The following SIPA1L3 variants were observed in gnomAD, a reference collection of about 807,000 sequenced individuals.
SIPA1L3 encodes the protein signal induced proliferation associated 1 like 3.
In SIPA1L3, 59 loss-of-function variants were observed where a neutral mutation model predicts 150.1. The observed-to-expected ratio is 0.39, with a 90% CI of 0.32 to 0.49. The LOEUF (loss-of-function observed/expected upper bound fraction) is 0.49. Ranked by LOEUF, SIPA1L3 falls within the 20% of genes least tolerant of loss-of-function variation. SIPA1L3 has a pLI of 0.86. For synonymous variants in SIPA1L3, 1,070 were observed against 1,077.6 expected (o/e 0.99, Z 0.14); for missense variants, 2,211 against 2,489.5 (o/e 0.89, Z 2.38).
intron 1 of SIPA1L3, among the ~76,000 whole-genome samples, chr19:37,921,267 T>C (rs2046455143): frequency 6.6e-6 from 1 of 152,206 alleles, no homozygotes; most frequent in South Asian, 2.1e-4. Context: ...ACTGCATTTG[T>C]GCTTTGGGGG....
chr19:38,111,562 A>C (rs1047820466), intron 8 of SIPA1L3, among the ~76,000 whole-genome samples: 1 of 152,196 alleles, frequency 6.6e-6, no homozygotes, highest in Admixed American at 6.5e-5. Flanking sequence ...TATGTGCACC[A>C]GTAGTCACCG....
intron 1 of SIPA1L3, among the ~76,000 whole-genome samples, chr19:38,024,580 G>A (rs1968458273): frequency 6.6e-6 from 1 of 152,088 alleles, no homozygotes; most frequent in Non-Finnish European, 1.5e-5. Flanking sequence ...AGTCATTTAT[G>A]CATTTTGGAC....
intron 1 of SIPA1L3, among the ~76,000 whole-genome samples, chr19:37,944,243 A>G (rs985701683): frequency 2.7e-5 from 4 of 150,334 alleles, no homozygotes; most frequent in African/African-American, 9.8e-5. Context: ...GCACCACTGC[A>G]CTCCAGCCTG....
intron 15 of SIPA1L3, among the ~76,000 whole-genome samples, chr19:38,173,892 G>A (rs566662458): frequency 1.4e-4 from 22 of 152,082 alleles, no homozygotes; most frequent in African/African-American, 5.1e-4. Context: ...ATGTGTTTGA[G>A]GAACAGCTTC....
At chr19:38,166,728 G>A (rs553401429) in intron 15 of SIPA1L3, among the ~76,000 whole-genome samples, 2 of 152,106 alleles carry the variant, frequency 1.3e-5, no homozygotes, top group South Asian at 2.1e-4. Context: ...CCATGCCTGG[G>A]GTGGGCTAGC....
intron 1 of SIPA1L3, among the ~76,000 whole-genome samples, chr19:37,940,039 C>G (rs1459337692): frequency 6.6e-6 from 1 of 152,104 alleles, no homozygotes; most frequent in Non-Finnish European, 1.5e-5. Context: ...GGGTCTCCAC[C>G]CTTGCAGAGC....
At position 38,164,843 on chromosome 19, in the gene SIPA1L3, C is replaced by T; in HGVS notation, c.4145C>T (p.Ser1382Phe). 1 of 1,595,834 alleles carries T rather than the reference C, an allele frequency of 6.3e-7. No individual in the cohort carries two copies. ...QSKGYRPKLY[S>F]SGSSTPTGLA... ...AAGGGCTACCGACCGAAGCTGTACT[C>T]CTCCGGCTCCAGCACCCCCACGGGA... Residue 1382 changes from serine to phenylalanine, a missense_variant, in exon 15 of 22, where the codon TCC becomes TTC. Coordinates refer to ENST00000222345, the MANE Select transcript of SIPA1L3 (RefSeq NM_015073.3). This position sits in a 1 kb window ranked among gnomAD's most constrained non-coding sequence, Gnocchi z 4.1.
intron 1 of SIPA1L3, among the ~76,000 whole-genome samples, chr19:38,008,463 A>G (rs192987751): frequency 6.0e-4 from 92 of 152,082 alleles, no homozygotes; most frequent in Admixed American, 4.0e-3. Flanking sequence ...TCCTGACCTC[A>G]GGTGATCCAC....
At chr19:37,985,356 C>T (rs1967321456) in intron 1 of SIPA1L3, among the ~76,000 whole-genome samples, 1 of 152,026 alleles carries the variant, frequency 6.6e-6, no homozygotes, top group South Asian at 2.1e-4. Context: ...CCATGCCCAG[C>T]CAATTTTACG....
chr19:38,182,792 C>T, intron 16 of SIPA1L3, 52 bp downstream of exon 16: 3 of 1,435,152 alleles, frequency 2.1e-6, no homozygotes, highest in Admixed American at 3.9e-5. Context: ...ACCAGGGCGT[C>T]TCCGGGGCGG....
At chr19:37,986,883 A>G (rs1487411781) in intron 1 of SIPA1L3, among the ~76,000 whole-genome samples, 3 of 152,138 alleles carry the variant, frequency 2.0e-5, no homozygotes, top group Non-Finnish European at 4.4e-5. Context: ...GATAAAATGC[A>G]GGTTCTCATT....
intron 8 of SIPA1L3, among the ~76,000 whole-genome samples, chr19:38,111,235 T>G (rs1297620154): frequency 7.2e-5 from 11 of 151,964 alleles, no homozygotes. Flanking sequence ...TCTCTCTGTT[T>G]TACCCAGGCT....
chr19:38,189,348 T>A (rs1409089237), intron 16 of SIPA1L3, among the ~76,000 whole-genome samples: 3 of 152,074 alleles, frequency 2.0e-5, no homozygotes, highest in African/African-American at 7.2e-5. Context: ...GGTCTCACAC[T>A]CCGCACTCCT....
chr19:37,955,175 T>C (rs573650420), intron 1 of SIPA1L3, among the ~76,000 whole-genome samples: 1 of 150,788 alleles, frequency 6.6e-6, no homozygotes, highest in African/African-American at 2.4e-5. Context: ...GTAGATCACC[T>C]GAGGTCGAGA....
intron 1 of SIPA1L3, among the ~76,000 whole-genome samples, chr19:37,983,470 C>T (rs1967252901): frequency 6.6e-6 from 1 of 152,196 alleles, no homozygotes; most frequent in Non-Finnish European, 1.5e-5. Flanking sequence ...TAAGAGTTAG[C>T]AGCTGCTCCT....
At chr19:37,960,950 C>G (rs2046853072) in intron 1 of SIPA1L3, among the ~76,000 whole-genome samples, 1 of 151,946 alleles carries the variant, frequency 6.6e-6, no homozygotes, top group South Asian at 2.1e-4. Flanking sequence ...CTCACTGCAG[C>G]CTCCACCTCC....
At chr19:38,115,818 TTA>T (rs2145887601) in intron 8 of SIPA1L3, among the ~76,000 whole-genome samples, 1 of 152,306 alleles carries the variant, frequency 6.6e-6, no homozygotes, top group African/African-American at 2.4e-5. Flanking sequence ...TTCCTCATCT[TTA>T]TGAGTTTATC....
intron 9 of SIPA1L3, among the ~76,000 whole-genome samples, chr19:38,121,187 T>A (rs1219355053): frequency 1.3e-5 from 2 of 150,714 alleles, no homozygotes; most frequent in Non-Finnish European, 1.5e-5. Context: ...AAAAAAAAAA[T>A]AAAAAAATAA....
At chr19:38,156,789 A>C (rs1053751603) in intron 13 of SIPA1L3, among the ~76,000 whole-genome samples, 5 of 152,038 alleles carry the variant, frequency 3.3e-5, no homozygotes, top group Admixed American at 2.6e-4. Flanking sequence ...CACGCATTGC[A>C]CTCCTGCCTC....
Sources: gnomAD v4.1 joint callset for allele counts (sites outside exome capture counted in the v4.1 genomes callset) on GRCh38, gnomAD v4.1.1 for gene constraint, Gnocchi (gnomAD v3.1) non-coding constraint, MANE v1.5 for transcripts, NCBI Gene and HGNC (gene_info 2026-07-23, HGNC 2026-07-21) for gene names.